Variants in GRIP1 observed in about 807,000 individuals in gnomAD.
GRIP1 encodes the protein glutamate receptor-interacting protein 1.
A neutral mutation model predicts 129.9 loss-of-function variants in GRIP1; 45 were observed. The observed-to-expected ratio is 0.35, with a 90% CI of 0.27 to 0.44. GRIP1 has a LOEUF of 0.44. Among genes scored for constraint, GRIP1 ranks in the 20% least tolerant of loss-of-function variants. GRIP1 has a pLI of 1.00. For synonymous variants in GRIP1, 530 were observed against 520.8 expected (o/e 1.02, Z -0.24); for missense variants, 1,196 against 1,396.8 (o/e 0.86, Z 2.29).
At chr12:66,576,895 T>C (rs2063156072) in intron 2 of GRIP1, among the ~76,000 whole-genome samples, 1 of 152,214 alleles carries the variant, frequency 6.6e-6, no homozygotes, top group Non-Finnish European at 1.5e-5. Context: ...TGTTAGTTGA[T>C]GGCAAGTTCA....
At chr12:66,774,596 A>G (rs550455125) in intron 1 of GRIP1, among the ~76,000 whole-genome samples, 3 of 152,300 alleles carry the variant, frequency 2.0e-5, no homozygotes, top group Admixed American at 2.0e-4. Context: ...GATGTAGAAA[A>G]AACTTTGGAG....
At chr12:66,842,750 T>C (rs117983041) in intron 1 of GRIP1, among the ~76,000 whole-genome samples, 4,647 of 152,262 alleles carry the variant, frequency 0.031, 108 homozygotes, top group Non-Finnish European at 0.05. Flanking sequence ...GGATACTCAA[T>C]TGATGCTGAA....
chr12:66,428,753 A>G (rs1052778742), intron 14 of GRIP1, among the ~76,000 whole-genome samples: 32 of 152,160 alleles, frequency 2.1e-4, no homozygotes, highest in African/African-American at 7.5e-4. Flanking sequence ...AACATATAAA[A>G]CTGCATAGTG....
intron 1 of GRIP1, among the ~76,000 whole-genome samples, chr12:66,849,060 C>T (rs1188800303): frequency 1.3e-5 from 2 of 152,162 alleles, no homozygotes; most frequent in African/African-American, 4.8e-5. Flanking sequence ...TCCTAAAGCA[C>T]AGTTCTGTCA....
At chr12:66,871,308 T>C (rs2040292397) in intron 1 of GRIP1, among the ~76,000 whole-genome samples, 1 of 152,154 alleles carries the variant, frequency 6.6e-6, no homozygotes, top group South Asian at 2.1e-4. Context: ...TTTTCCCAGT[T>C]ATATATTTCT....
chr12:66,437,118 T>C (rs557734108), intron 13 of GRIP1, among the ~76,000 whole-genome samples: 54 of 152,278 alleles, frequency 3.5e-4, no homozygotes, highest in Non-Finnish European at 6.2e-4. Flanking sequence ...TGGGAATTAA[T>C]ATCTGGTTGT....
At chr12:66,569,846 T>C (rs1450542550) in intron 2 of GRIP1, among the ~76,000 whole-genome samples, 1 of 152,186 alleles carries the variant, frequency 6.6e-6, no homozygotes, top group Non-Finnish European at 1.5e-5. Flanking sequence ...TGGGAAAGTA[T>C]CAACAGAACA....
rs2037027357 is a variant in GRIP1 at position 66,748,612 on chromosome 12, A to G, written c.-420+55441T>C. 1.3e-5 allele frequency among the ~76,000 whole-genome samples: 2 copies of G among 152,220 alleles called. 1 individual carries two copies. The highest frequency in any genetic ancestry group is 4.1e-4 in the South Asian group (2 of 4,838). On this transcript the variant is annotated intron_variant, in intron 1 of 4. Coordinates refer to the GRIP1 transcript ENST00000538373. ...AGCAGCCTTAGGATGATGTGGTTTAAGGATCTAGAGAGACTTTAAGGTCCA... is the reference window on the plus strand; with the variant it reads ...AGCAGCCTTAGGATGATGTGGTTTAGGGATCTAGAGAGACTTTAAGGTCCA...
At chr12:66,568,240 A>ATTCT (rs1359050100) in intron 2 of GRIP1, 1 of 181,712 alleles carries the variant, frequency 5.5e-6, no homozygotes, top group East Asian at 1.6e-4. Flanking sequence ...TTGACAATTG[A>ATTCT]TTCTTTCCTT....
Position 66,911,204 on chromosome 12 carries a change from T to C in GRIP1, c.58+157846A>G, listed in dbSNP as rs111941273. Reference sequence around the variant, plus strand: ...TTGAGATCCCATAAAACAGGTGCTTTAATATCTGGAAATTGGCTTTGAAGC... The same window carrying C: ...TTGAGATCCCATAAAACAGGTGCTTCAATATCTGGAAATTGGCTTTGAAGC... On this transcript the variant is annotated intron_variant, in intron 1 of 1. Transcript: ENST00000643019. Among the ~76,000 whole-genome samples the C allele has an allele frequency of 3.1e-3, 479 of 152,362 alleles. 1 individual carries two copies. The highest frequency in any genetic ancestry group is 0.011 in the African/African-American group (457 of 41,586).
intron 1 of GRIP1, among the ~76,000 whole-genome samples, chr12:66,750,023 G>A (rs1037103529): frequency 6.6e-6 from 1 of 152,180 alleles, no homozygotes; most frequent in Non-Finnish European, 1.5e-5. Flanking sequence ...CCTCCCCAAA[G>A]TCAACCCCAA....
intron 1 of GRIP1, among the ~76,000 whole-genome samples, chr12:66,711,661 T>TAA (rs1170679517): frequency 6.6e-6 from 1 of 151,824 alleles, no homozygotes; most frequent in Non-Finnish European, 1.5e-5. Flanking sequence ...ATGTGTCTTA[T>TAA]AAAGGAAATA....
intron 2 of GRIP1, among the ~76,000 whole-genome samples, chr12:66,547,285 T>C (rs1034627962): frequency 1.2e-5 from 1 of 80,372 alleles, no homozygotes; most frequent in Non-Finnish European, 2.4e-5. Flanking sequence ...CAAATGCTGG[T>C]GAGGATGCAG....
chr12:66,743,400 T>A (rs926950908), intron 1 of GRIP1, among the ~76,000 whole-genome samples: 4 of 152,066 alleles, frequency 2.6e-5, no homozygotes, highest in Non-Finnish European at 5.9e-5. Flanking sequence ...GGAAACTTTA[T>A]TATGAATCCT....
intron 1 of GRIP1, among the ~76,000 whole-genome samples, chr12:66,608,989 T>C (rs4913406): frequency 0.34 from 50,238 of 149,614 alleles, 8,764 homozygotes; most frequent in Non-Finnish European, 0.37. Flanking sequence ...ACAGCACTTA[T>C]AATCCTACCT....
At chr12:66,811,457 AAT>A (rs1204737987) in intron 1 of GRIP1, among the ~76,000 whole-genome samples, 3 of 152,088 alleles carry the variant, frequency 2.0e-5, no homozygotes, top group Non-Finnish European at 4.4e-5. Context: ...AGTGATGAAA[AAT>A]ATAGTGCTAA....
chr12:66,897,531 C>T (rs2040770191), intron 1 of GRIP1, among the ~76,000 whole-genome samples: 1 of 152,148 alleles, frequency 6.6e-6, no homozygotes, highest in Non-Finnish European at 1.5e-5. Context: ...CAATCAGCCG[C>T]TTCAGAACAT....
intron 19 of GRIP1, among the ~76,000 whole-genome samples, chr12:66,379,789 T>C (rs2137384929): frequency 6.6e-6 from 1 of 152,340 alleles, no homozygotes; most frequent in Middle Eastern, 3.4e-3. Flanking sequence ...AAGTTCTAGA[T>C]GCACTTCTTC....
At chr12:66,529,215 T>A (rs1246612283) in intron 5 of GRIP1, among the ~76,000 whole-genome samples, 1 of 152,156 alleles carries the variant, frequency 6.6e-6, no homozygotes, top group African/African-American at 2.4e-5. Context: ...GTACAACCAC[T>A]ATAGAAAACA....
Sources: allele counts gnomAD v4.1 joint callset (sites outside exome capture counted in the v4.1 genomes callset), GRCh38; gene constraint gnomAD v4.1.1; transcripts MANE v1.5; gene names NCBI Gene and HGNC (gene_info 2026-07-23, HGNC 2026-07-21).